The following CDK14 variants were observed in gnomAD, a reference collection of about 807,000 sequenced individuals.
CDK14 encodes cyclin-dependent kinase 14.
Under a neutral mutation model 60.7 loss-of-function variants are expected in CDK14, and 34 were observed. That is an observed-to-expected ratio of 0.56 (90% CI 0.43 to 0.75). The LOEUF is 0.75. Among genes scored for constraint, CDK14 ranks in the 30% least tolerant of loss-of-function variants. The pLI is 0.00. For missense variants in CDK14, 482 were observed against 564.1 expected (o/e 0.85, Z 1.47); for synonymous variants, 197 against 203.7 (o/e 0.97, Z 0.28).
At position 91,087,813 on chromosome 7, in the gene CDK14, CT is replaced by C. The variant is rs200149353; in HGVS notation, c.1154+8344del. Among the ~76,000 whole-genome samples, 672 of 147,322 alleles carry C rather than the reference CT, an allele frequency of 4.6e-3. 4 individuals carry two copies. Among genetic ancestry groups the C allele is most frequent in the African/African-American group, 0.015 (624 of 40,480 alleles). On this transcript the variant is annotated intron_variant, in intron 12 of 14. Coordinates refer to ENST00000380050, the MANE Select transcript of CDK14 (RefSeq NM_001287135.2). Reference sequence around the variant, plus strand: ...ATGCTGAACTGCTTGGTCACCAAAACTTTTTTTTTTTAATGCTTGTTGTGTA... The same window carrying C: ...ATGCTGAACTGCTTGGTCACCAAAACTTTTTTTTTTAATGCTTGTTGTGTA...
At chr7:90,614,634 G>C (rs1799612583) in intron 2 of CDK14, among the ~76,000 whole-genome samples, 2 of 151,750 alleles carry the variant, frequency 1.3e-5, no homozygotes, top group South Asian at 4.1e-4. Context: ...TAATAAAAAA[G>C]ATGGCATCTC....
chr7:90,604,255 T>C lies in CDK14; in HGVS notation c.123+6T>C. Reference sequence around the variant, plus strand: ...ATGACACCACCTTTGATGAGGTAGGTTAAATTTCTTTATCTAATGTTAGAT... The same window carrying C: ...ATGACACCACCTTTGATGAGGTAGGCTAAATTTCTTTATCTAATGTTAGAT... On this transcript the variant is annotated splice_donor_region_variant and intron_variant, in intron 2 of 14. Coordinates refer to ENST00000380050, the MANE Select transcript of CDK14 (RefSeq NM_001287135.2). 1 of 1,507,144 alleles carries C rather than the reference T, an allele frequency of 6.6e-7. No individual in the cohort carries two copies. The highest frequency in any genetic ancestry group is 1.3e-5 in the South Asian group (1 of 79,830). The allele number at this position is 1,507,144 out of a possible 1,614,324, so 93.4% of individuals were successfully genotyped here. A position where few individuals can be genotyped will look rare whatever the true frequency, so the allele number is the denominator to read the frequency against.
chr7:91,205,852 G>A (rs938077099), intron 14 of CDK14, among the ~76,000 whole-genome samples: 3 of 151,936 alleles, frequency 2.0e-5, no homozygotes, highest in East Asian at 1.9e-4. Flanking sequence ...CTGGGGTGCC[G>A]TGGCACAATC....
intron 12 of CDK14, among the ~76,000 whole-genome samples, chr7:91,093,155 A>G (rs1798877198): frequency 6.6e-6 from 1 of 152,176 alleles, no homozygotes; most frequent in Admixed American, 6.6e-5. Flanking sequence ...AGCTCTGAGG[A>G]CTGGTTCAGA....
At chr7:91,122,820 C>T (rs42999) in intron 14 of CDK14, among the ~76,000 whole-genome samples, 122,848 of 152,090 alleles carry the variant, frequency 0.81, 49,651 homozygotes, top group Admixed American at 0.83. Context: ...CATCATGAAG[C>T]AGAGAGCAAA....
At chr7:91,147,161 C>CTCTCTT (rs1367263435) in intron 14 of CDK14, among the ~76,000 whole-genome samples, 1 of 98,990 alleles carries the variant, frequency 1.0e-5, no homozygotes, top group Non-Finnish European at 2.2e-5. Flanking sequence ...CTCTCTCTCT[C>CTCTCTT]TCACACACAC....
chr7:91,083,569 A>G (rs533307734), intron 12 of CDK14, among the ~76,000 whole-genome samples: 25 of 152,176 alleles, frequency 1.6e-4, no homozygotes, highest in East Asian at 5.8e-4. Context: ...TTCTGGAGAC[A>G]TTTGTTTTCA....
intron 4 of CDK14, among the ~76,000 whole-genome samples, chr7:90,752,300 C>G (rs1001787381): frequency 6.7e-6 from 1 of 148,176 alleles, no homozygotes; most frequent in Non-Finnish European, 1.5e-5. Context: ...AAAAAAAAAT[C>G]AAAGTCATAC....
intron 14 of CDK14, among the ~76,000 whole-genome samples, chr7:91,150,195 A>G (rs947564961): frequency 2.0e-5 from 3 of 152,232 alleles, no homozygotes. Flanking sequence ...TGGAAGGGAC[A>G]TTCAATGGTG....
chr7:91,066,001 G>A (rs1172334124), intron 11 of CDK14, among the ~76,000 whole-genome samples: 1 of 152,150 alleles, frequency 6.6e-6, no homozygotes, highest in East Asian at 1.9e-4. Flanking sequence ...AAGGTACTGG[G>A]CTCAGCATCT....
intron 2 of CDK14, 52 bp downstream of exon 2, chr7:90,604,301 A>G (rs909049850): frequency 2.5e-6 from 3 of 1,190,834 alleles, no homozygotes; most frequent in Non-Finnish European, 3.5e-6. Flanking sequence ...ACTACCAGGT[A>G]AAGTCAGTAG....
intron 6 of CDK14, among the ~76,000 whole-genome samples, chr7:90,872,797 GC>G (rs1477750319): frequency 3.3e-5 from 5 of 152,222 alleles, no homozygotes; most frequent in Admixed American, 2.0e-4. Context: ...TCCAACTGTT[GC>G]TATGGTAAAT....
chr7:90,738,554 A>T (rs529611029), intron 3 of CDK14, among the ~76,000 whole-genome samples: 1 of 152,292 alleles, frequency 6.6e-6, no homozygotes, highest in Non-Finnish European at 1.5e-5. Context: ...TCAGTTTTTT[A>T]AAAAAGTGTT....
At chr7:91,090,311 A>C in intron 12 of CDK14, among the ~76,000 whole-genome samples, 1 of 152,198 alleles carries the variant, frequency 6.6e-6, no homozygotes, top group East Asian at 1.9e-4. Context: ...GCTGCGTTAC[A>C]TATTTTAAGG....
chr7:90,650,201 G>C (rs966150603), intron 2 of CDK14, among the ~76,000 whole-genome samples: 11 of 152,202 alleles, frequency 7.2e-5, no homozygotes, highest in Admixed American at 2.0e-4. Flanking sequence ...GCATTTCTCT[G>C]ATGACCAGTG....
At chr7:90,629,449 GTCCCTA>G (rs1799946251) in intron 2 of CDK14, among the ~76,000 whole-genome samples, 1 of 152,128 alleles carries the variant, frequency 6.6e-6, no homozygotes, top group Non-Finnish European at 1.5e-5. Flanking sequence ...GTGTCTGTCT[GTCCCTA>G]GTCAATACTT....
intron 14 of CDK14, among the ~76,000 whole-genome samples, chr7:91,151,588 A>G (rs1439689905): frequency 2.0e-5 from 3 of 152,074 alleles, no homozygotes; most frequent in African/African-American, 7.2e-5. Flanking sequence ...TTTAAATAAT[A>G]TTTGCCATGC....
intron 10 of CDK14, among the ~76,000 whole-genome samples, chr7:91,044,509 T>C (rs778390092): frequency 1.3e-5 from 2 of 152,152 alleles, no homozygotes; most frequent in Non-Finnish European, 2.9e-5. Flanking sequence ...ATGTTTCTGC[T>C]GGTCAGCTGT....
At chr7:91,051,132 G>A (rs371532148) in intron 11 of CDK14, among the ~76,000 whole-genome samples, 3 of 152,174 alleles carry the variant, frequency 2.0e-5, no homozygotes, top group African/African-American at 7.2e-5. Flanking sequence ...ACCAATACAA[G>A]GCTCTTTTTA....
Sources: allele counts gnomAD v4.1 joint callset (sites outside exome capture counted in the v4.1 genomes callset), GRCh38; gene constraint gnomAD v4.1.1; transcripts MANE v1.5; gene names NCBI Gene and HGNC (gene_info 2026-07-23, HGNC 2026-07-21).